PRKCB: variants seen among roughly 807,000 people sequenced by gnomAD.
PRKCB encodes the protein protein kinase C beta type.
Under a neutral mutation model 81.5 loss-of-function variants are expected in PRKCB, and 13 were observed. That is an observed-to-expected ratio of 0.16 (90% confidence interval 0.10 to 0.25). PRKCB has a LOEUF of 0.25. PRKCB is among the 10% of genes least tolerant of loss of function. The probability of loss-of-function intolerance (pLI) is 1.00; values close to 1 mark genes in which losing one functional copy is unlikely to be tolerated. For synonymous variants in PRKCB, 335 were observed against 321.4 expected, an observed-to-expected ratio of 1.04 and a Z score of -0.45; for missense variants, 509 against 875.7, an observed-to-expected ratio of 0.58 and a Z score of 5.29.
intron 2 of PRKCB, among the ~76,000 whole-genome samples, chr16:23,935,748 C>G (rs1964049489): frequency 6.6e-6 from 1 of 152,082 alleles, no homozygotes; most frequent in African/African-American, 2.4e-5. Context: ...GAGCTGGAGG[C>G]CATTATTTTA....
At chr16:23,963,831 A>G (rs1468757297) in intron 2 of PRKCB, 1 of 152,156 alleles carries the variant, frequency 6.6e-6, no homozygotes, top group Non-Finnish European at 1.5e-5. Flanking sequence ...GTAAGTTGTT[A>G]TTGATCTGTA....
At chr16:24,008,042 T>C (rs1416051428) in intron 3 of PRKCB, among the ~76,000 whole-genome samples, 3 of 152,084 alleles carry the variant, frequency 2.0e-5, no homozygotes, top group African/African-American at 4.8e-5. Context: ...TTTATAGATA[T>C]AATTCTGTCC....
At chr16:24,192,793 G>A (rs1967813807) in intron 16 of PRKCB, among the ~76,000 whole-genome samples, 1 of 152,140 alleles carries the variant, frequency 6.6e-6, no homozygotes, top group South Asian at 2.1e-4. Context: ...CAGACCTCCT[G>A]AATCAGACAC....
intron 2 of PRKCB, among the ~76,000 whole-genome samples, chr16:23,853,250 C>T (rs957466621): frequency 1.3e-5 from 2 of 152,208 alleles, no homozygotes; most frequent in African/African-American, 2.4e-5. Context: ...TGTGGCTTGA[C>T]AGAAGGGAGT....
At chr16:23,877,212 C>T (rs1395111408) in intron 2 of PRKCB, among the ~76,000 whole-genome samples, 1 of 152,018 alleles carries the variant, frequency 6.6e-6, no homozygotes, top group Admixed American at 6.6e-5. Context: ...AGGCACAGTG[C>T]CTGTAGTCCC....
intron 9 of PRKCB, among the ~76,000 whole-genome samples, chr16:24,143,133 A>G (rs1363288910): frequency 6.6e-6 from 1 of 151,586 alleles, no homozygotes; most frequent in Non-Finnish European, 1.5e-5. Flanking sequence ...TTATTTTATT[A>G]TTTCATTTAT....
At chr16:24,076,234 G>GC (rs1393401074) in intron 5 of PRKCB, among the ~76,000 whole-genome samples, 3 of 152,296 alleles carry the variant, frequency 2.0e-5, no homozygotes, top group Non-Finnish European at 4.4e-5. Context: ...TTATTTATAT[G>GC]CCCCAGTTAA....
intron 5 of PRKCB, among the ~76,000 whole-genome samples, chr16:24,052,303 T>C (rs1965852757): frequency 6.6e-6 from 1 of 152,076 alleles, no homozygotes; most frequent in African/African-American, 2.4e-5. Flanking sequence ...TTCTAACAGG[T>C]CCCCAGAGAA....
At chr16:23,904,190 G>C (rs1241226225) in intron 2 of PRKCB, among the ~76,000 whole-genome samples, 5 of 152,118 alleles carry the variant, frequency 3.3e-5, no homozygotes, top group Non-Finnish European at 7.4e-5. Context: ...CTAAGGGGGT[G>C]GGCTCTAGGG....
chr16:24,036,195 T>TG (rs1309150426), intron 5 of PRKCB, among the ~76,000 whole-genome samples: 1 of 150,110 alleles, frequency 6.7e-6, no homozygotes, highest in African/African-American at 2.4e-5. Context: ...GGAGATGCAG[T>TG]GAGAGGAGGA....
At chr16:24,088,840 TAGA>T (rs990365071) in intron 5 of PRKCB, among the ~76,000 whole-genome samples, 1 of 152,064 alleles carries the variant, frequency 6.6e-6, no homozygotes, top group Non-Finnish European at 1.5e-5. Flanking sequence ...AAGCTTATGA[TAGA>T]AGATCTTTTT....
At chr16:24,091,791 T>C (rs1966380322) in intron 5 of PRKCB, among the ~76,000 whole-genome samples, 2 of 152,146 alleles carry the variant, frequency 1.3e-5, no homozygotes, top group Non-Finnish European at 2.9e-5. Context: ...TTTTGTATTG[T>C]TAGTAGAGAC....
At chr16:23,962,731 T>C (rs1441615527) in intron 2 of PRKCB, among the ~76,000 whole-genome samples, 1 of 151,228 alleles carries the variant, frequency 6.6e-6, no homozygotes, top group Non-Finnish European at 1.5e-5. Context: ...AACAAACCAG[T>C]CTTTGTTTTT....
intron 2 of PRKCB, among the ~76,000 whole-genome samples, chr16:23,964,490 A>G (rs1018651408): frequency 3.3e-5 from 5 of 152,226 alleles, no homozygotes; most frequent in African/African-American, 1.2e-4. Context: ...CCTCTGGTCT[A>G]GAACATTGCC....
At chr16:23,853,637 G>A (rs1962511161) in intron 2 of PRKCB, among the ~76,000 whole-genome samples, 1 of 152,090 alleles carries the variant, frequency 6.6e-6, no homozygotes, top group East Asian at 1.9e-4. Flanking sequence ...TCACTTGACT[G>A]GTAAAACTAA....
At chr16:24,212,146 C>T (rs1279570212) in intron 16 of PRKCB, among the ~76,000 whole-genome samples, 2 of 152,104 alleles carry the variant, frequency 1.3e-5, no homozygotes, top group Admixed American at 1.3e-4. Flanking sequence ...TACCAATGCC[C>T]TTCACCTGGG....
chr16:24,030,716 C>A (rs376639478), intron 3 of PRKCB, among the ~76,000 whole-genome samples: 393 of 131,176 alleles, frequency 3.0e-3, no homozygotes, highest in Middle Eastern at 0.011. Context: ...CCCCTCTCTA[C>A]AAAAAAAAAA....
chr16:24,219,654 CA>C lies in PRKCB; in HGVS notation c.*4840del, dbSNP rs200055220. On this transcript the variant is annotated 3_prime_UTR_variant, in exon 17 of 17. Coordinates refer to ENST00000643927, the MANE Select transcript of PRKCB (RefSeq NM_002738.7). ...CATCCTAAAGCCAAAGAAAATACAG[CA>C]ACACACACACACACACACACACACA... 318,947 of 931,566 alleles carry C rather than the reference CA, an allele frequency of 0.34. 53,604 individuals carry two copies. Among genetic ancestry groups the C allele is most frequent in the African/African-American group, 0.53 (27,636 of 51,714 alleles). The allele number at this position is 931,566 out of a possible 1,614,324, so 57.7% of individuals were successfully genotyped here. A position where few individuals can be genotyped will look rare whatever the true frequency, so the allele number is the denominator to read the frequency against.
chr16:24,109,311 G>T (rs1302717981), intron 7 of PRKCB, among the ~76,000 whole-genome samples: 13 of 81,674 alleles, frequency 1.6e-4, no homozygotes, highest in South Asian at 4.3e-4. Context: ...CCTCCCGGAT[G>T]GGGTGGCTGC....
Sources: gnomAD v4.1 joint callset for allele counts (sites outside exome capture counted in the v4.1 genomes callset) on GRCh38, gnomAD v4.1.1 for gene constraint, MANE v1.5 for transcripts, NCBI Gene and HGNC (gene_info 2026-07-23, HGNC 2026-07-21) for gene names.